Variants in MDGA2 observed in about 807,000 individuals in gnomAD.
MDGA2 encodes the protein MAM domain containing glycosylphosphatidylinositol anchor 2.
Under a neutral mutation model 117.8 loss-of-function variants are expected in MDGA2, and 40 were observed. The ratio of observed to expected loss-of-function variants is 0.34; its 90% CI spans 0.26 to 0.44. MDGA2 has a LOEUF of 0.44. Ranked by LOEUF, MDGA2 falls within the 20% of genes least tolerant of loss-of-function variation. The probability of loss-of-function intolerance (pLI) is 1.00; values close to 1 mark genes in which losing one functional copy is unlikely to be tolerated. For synonymous variants in MDGA2, 452 were observed against 439.0 expected (o/e 1.03, Z -0.37); for missense variants, 1,123 against 1,250.6 (o/e 0.90, Z 1.54).
chr14:47,525,406 C>T (rs1894951379), intron 1 of MDGA2, among the ~76,000 whole-genome samples: 1 of 152,118 alleles, frequency 6.6e-6, no homozygotes. Context: ...GCCTGGCTGG[C>T]CAGGCACAGT....
chr14:47,173,667 C>A (rs999316804), intron 3 of MDGA2, among the ~76,000 whole-genome samples: 9 of 151,230 alleles, frequency 6.0e-5, no homozygotes, highest in Non-Finnish European at 1.3e-4. Context: ...CATGGAAAGG[C>A]ACAACCGGTA....
At chr14:47,106,701 C>T (rs774888370) in intron 5 of MDGA2, among the ~76,000 whole-genome samples, 4 of 151,886 alleles carry the variant, frequency 2.6e-5, no homozygotes, top group South Asian at 4.2e-4. Context: ...CCATCACAGA[C>T]GCCGAGCTTC....
intron 8 of MDGA2, among the ~76,000 whole-genome samples, chr14:47,025,694 G>A (rs1339150503): frequency 6.9e-6 from 1 of 145,874 alleles, no homozygotes; most frequent in Non-Finnish European, 1.5e-5. Context: ...ACAAGCTAGA[G>A]CCTCCTTCTC....
intron 1 of MDGA2, among the ~76,000 whole-genome samples, chr14:47,329,801 CTAGG>C: frequency 6.6e-6 from 1 of 151,812 alleles, no homozygotes; most frequent in Non-Finnish European, 1.5e-5. Context: ...TCACAGAACT[CTAGG>C]TAATCTAGCA....
rs543550189 is a variant in MDGA2 at position 46,864,746 on chromosome 14, G to A, written c.2752+8687C>T. On this transcript the variant is annotated intron_variant, in intron 14 of 16. Transcript: ENST00000399232. ...CATAGACTAATTCTTAACAGAAAGC[G>A]TGACTTAATATCAACTATTATCAAA... is the stretch of plus-strand genomic sequence containing the variant. 4.6e-5 allele frequency among the ~76,000 whole-genome samples: 7 copies of A among 151,898 alleles called. 1 individual carries two copies. Among genetic ancestry groups the A allele is most frequent in the Admixed American group, 6.6e-5 (1 of 15,198 alleles).
chr14:47,144,800 T>C (rs909227373), intron 3 of MDGA2, among the ~76,000 whole-genome samples: 6 of 143,012 alleles, frequency 4.2e-5, no homozygotes, highest in Non-Finnish European at 9.1e-5. Flanking sequence ...AGGCATGTGC[T>C]ACCATGCCCG....
intron 1 of MDGA2, among the ~76,000 whole-genome samples, chr14:47,658,914 C>G (rs759675557): frequency 2.6e-5 from 4 of 152,214 alleles, no homozygotes; most frequent in Non-Finnish European, 5.9e-5. Context: ...GACTCTGTTG[C>G]AAGTGAATCA....
intron 1 of MDGA2, among the ~76,000 whole-genome samples, chr14:47,616,054 G>A (rs769131972): frequency 2.6e-5 from 4 of 152,190 alleles, no homozygotes; most frequent in Non-Finnish European, 5.9e-5. Flanking sequence ...GAGAGAAAGT[G>A]AGGAAGAGAG....
At chr14:47,054,883 C>T (rs1429804099) in intron 7 of MDGA2, among the ~76,000 whole-genome samples, 1 of 151,752 alleles carries the variant, frequency 6.6e-6, no homozygotes. Flanking sequence ...CATGTTAGAG[C>T]TAAAACCATA....
At chr14:47,222,374 T>G (rs549949823) in intron 2 of MDGA2, among the ~76,000 whole-genome samples, 1 of 152,006 alleles carries the variant, frequency 6.6e-6, no homozygotes, top group African/African-American at 2.4e-5. Flanking sequence ...TTTTGTAATA[T>G]TAAAAGTCAA....
chr14:47,123,162 T>C (rs1881736194), intron 5 of MDGA2, among the ~76,000 whole-genome samples: 1 of 152,072 alleles, frequency 6.6e-6, no homozygotes, highest in Admixed American at 6.6e-5. Context: ...TTATGATATC[T>C]TCTGGGAGAG....
chr14:47,306,645 G>A (rs1257658358), intron 1 of MDGA2, among the ~76,000 whole-genome samples: 1 of 152,088 alleles, frequency 6.6e-6, no homozygotes, highest in Non-Finnish European at 1.5e-5. Flanking sequence ...TTCCACACTA[G>A]GTCAATGTAA....
chr14:47,162,372 T>G (rs567261503), intron 3 of MDGA2, among the ~76,000 whole-genome samples: 132 of 152,316 alleles, frequency 8.7e-4, no homozygotes, highest in Middle Eastern at 3.4e-3. Flanking sequence ...TTTCTCCTTA[T>G]GGTCAATGAC....
intron 1 of MDGA2, among the ~76,000 whole-genome samples, chr14:47,494,613 A>G (rs1008901979): frequency 3.3e-5 from 5 of 152,044 alleles, no homozygotes; most frequent in African/African-American, 9.7e-5. Flanking sequence ...CAATGCCCAG[A>G]AAAGTTTTTC....
At chr14:47,604,001 C>A (rs8003182) in intron 1 of MDGA2, among the ~76,000 whole-genome samples, 3,580 of 152,272 alleles carry the variant, frequency 0.024, 137 homozygotes, top group African/African-American at 0.078. Context: ...TCCCCAGAAG[C>A]TGAGCAGGTG....
chr14:47,348,519 A>G (rs568060407), intron 1 of MDGA2, among the ~76,000 whole-genome samples: 3 of 152,260 alleles, frequency 2.0e-5, no homozygotes, highest in South Asian at 2.1e-4. Context: ...GCCCCTTAAC[A>G]TATTTAAATG....
chr14:47,114,345 T>A (rs1236518984), intron 5 of MDGA2, among the ~76,000 whole-genome samples: 1 of 152,222 alleles, frequency 6.6e-6, no homozygotes, highest in African/African-American at 2.4e-5. Context: ...ATGGTCATCC[T>A]GCCCAATATA....
At chr14:46,856,755 T>A (rs1385702958) in intron 14 of MDGA2, among the ~76,000 whole-genome samples, 1 of 152,122 alleles carries the variant, frequency 6.6e-6, no homozygotes, top group African/African-American at 2.4e-5. Context: ...TCTCCTTCCA[T>A]TCCTTTTTAT....
chr14:46,846,313 A>G (rs1336215191), intron 15 of MDGA2, among the ~76,000 whole-genome samples: 1 of 152,148 alleles, frequency 6.6e-6, no homozygotes, highest in South Asian at 2.1e-4. Flanking sequence ...CAACAGTAAT[A>G]TGTATATTGA....
Sources: allele counts gnomAD v4.1 joint callset (sites outside exome capture counted in the v4.1 genomes callset), GRCh38; gene constraint gnomAD v4.1.1; transcripts MANE v1.5; gene names NCBI Gene and HGNC (gene_info 2026-07-23, HGNC 2026-07-21).